The following TRAPPC10 variants were observed in gnomAD, a reference collection of about 807,000 sequenced individuals.
TRAPPC10 encodes the protein trafficking protein particle complex subunit 10.
TRAPPC10 carries 23 observed loss-of-function variants against 125.5 expected under a neutral mutation model. That is an observed-to-expected ratio of 0.18 (90% CI 0.13 to 0.26). The LOEUF is 0.26. Among genes scored for constraint, TRAPPC10 ranks in the 10% least tolerant of loss-of-function variants. The pLI is 1.00. For missense variants in TRAPPC10, 1,123 were observed against 1,308.4 expected, an observed-to-expected ratio of 0.86 and a Z score of 2.19; for synonymous variants, 509 against 518.0, an observed-to-expected ratio of 0.98 and a Z score of 0.24.
intron 1 of TRAPPC10, among the ~76,000 whole-genome samples, chr21:44,024,634 C>T (rs2032878910): frequency 6.6e-6 from 1 of 152,194 alleles, no homozygotes; most frequent in Non-Finnish European, 1.5e-5. Context: ...GTCATAGCTC[C>T]TCTCTCTGAG....
intron 4 of TRAPPC10, among the ~76,000 whole-genome samples, chr21:44,053,802 C>G (rs2035384159): frequency 6.6e-6 from 1 of 152,198 alleles, no homozygotes; most frequent in Non-Finnish European, 1.5e-5. Context: ...GATCACGCCG[C>G]TCTCCAGATT....
chr21:44,077,822 A>G (rs544773627), intron 11 of TRAPPC10, 38 bp downstream of exon 11: 1 of 1,458,072 alleles, frequency 6.9e-7, no homozygotes, highest in African/African-American at 1.4e-5. Context: ...TTCTAAACAT[A>G]CAAATAACAC....
intron 17 of TRAPPC10, chr21:44,088,146 C>CGAAA (rs2038278794): frequency 1.7e-6 from 1 of 573,764 alleles, no homozygotes; most frequent in South Asian, 2.1e-5. Flanking sequence ...TCTACCTTTC[C>CGAAA]CTCTCAGTTC....
chr21:44,067,341 T>C (rs114158697), intron 7 of TRAPPC10, among the ~76,000 whole-genome samples: 2,563 of 152,182 alleles, frequency 0.017, 69 homozygotes, highest in African/African-American at 0.057. Flanking sequence ...AGATGTAGTG[T>C]GGGAATGTAG....
At chr21:44,017,539 G>A (rs530908633) in intron 1 of TRAPPC10, among the ~76,000 whole-genome samples, 48 of 152,170 alleles carry the variant, frequency 3.2e-4, no homozygotes, top group Non-Finnish European at 1.9e-4. Flanking sequence ...CATTTATTAA[G>A]TAGTTAGATT....
chr21:44,039,506 C>G (rs1371249664), intron 3 of TRAPPC10, among the ~76,000 whole-genome samples: 1 of 152,232 alleles, frequency 6.6e-6, no homozygotes, highest in Non-Finnish European at 1.5e-5. Context: ...GGCGTGCTTG[C>G]TGCCATGGTG....
At chr21:44,029,653 C>A (rs1184577701) in intron 1 of TRAPPC10, among the ~76,000 whole-genome samples, 1 of 152,172 alleles carries the variant, frequency 6.6e-6, no homozygotes, top group South Asian at 2.1e-4. Context: ...TGGCTTAGCA[C>A]AAATGCGCTG....
intron 10 of TRAPPC10, among the ~76,000 whole-genome samples, 186 bp downstream of exon 10, chr21:44,076,814 T>A (rs569488282): frequency 1.6e-4 from 24 of 152,320 alleles, no homozygotes; most frequent in Non-Finnish European, 3.2e-4. Flanking sequence ...TGTGTATTAG[T>A]GCCCATGGTA....
chr21:44,028,719 G>A (rs1056225816), intron 1 of TRAPPC10, among the ~76,000 whole-genome samples: 1 of 152,180 alleles, frequency 6.6e-6, no homozygotes, highest in Non-Finnish European at 1.5e-5. Context: ...GGAATAAAAG[G>A]CCTGAGTTGT....
chr21:44,068,833 C>T (rs956719229), intron 7 of TRAPPC10, among the ~76,000 whole-genome samples: 4 of 152,036 alleles, frequency 2.6e-5, no homozygotes, highest in Admixed American at 1.3e-4. Flanking sequence ...AACTCCTGAG[C>T]GCAAGTGATC....
chr21:44,050,001 T>C (rs1032872892), intron 3 of TRAPPC10, among the ~76,000 whole-genome samples: 2 of 152,062 alleles, frequency 1.3e-5, no homozygotes, highest in Non-Finnish European at 2.9e-5. Context: ...TGCCTCAGCC[T>C]CCTGGGTAGC....
chr21:44,062,776 C>T (rs2036156105), intron 6 of TRAPPC10: 1 of 985,408 alleles, frequency 1.0e-6, no homozygotes. Context: ...AGGAGAAGCT[C>T]ACGTCAGTGA....
At chr21:44,079,469 G>A in intron 11 of TRAPPC10, 95 bp from the exon 12 acceptor site, 2 of 1,419,114 alleles carry the variant, frequency 1.4e-6, no homozygotes, top group Non-Finnish European at 1.9e-6. Flanking sequence ...CTGGCATGGG[G>A]TCTGGAGGAT....
At chr21:44,049,874 C>CT (rs2035114295) in intron 3 of TRAPPC10, among the ~76,000 whole-genome samples, 1 of 126,682 alleles carries the variant, frequency 7.9e-6, no homozygotes, top group African/African-American at 4.4e-5. Context: ...TGTTTTCTTT[C>CT]TTTCTTTTTT....
chr21:44,052,930 A>G (rs1287198856), intron 4 of TRAPPC10, among the ~76,000 whole-genome samples: 1 of 152,130 alleles, frequency 6.6e-6, no homozygotes, highest in Non-Finnish European at 1.5e-5. Flanking sequence ...AAACTTTGGC[A>G]GTTAATAGAT....
chr21:44,050,169 CAT>C (rs1212587862), intron 3 of TRAPPC10, among the ~76,000 whole-genome samples: 1 of 145,376 alleles, frequency 6.9e-6, no homozygotes, highest in Non-Finnish European at 1.5e-5. Context: ...TCGTTTTTAA[CAT>C]GTCGTTTTGT....
At position 44,087,047 on chromosome 21, in the gene TRAPPC10, A is replaced by G; in HGVS notation, c.2539+87A>G. 6.7e-7 allele frequency: 1 copy of G among 1,501,208 alleles called. No homozygotes were observed. The highest frequency in any genetic ancestry group is 9.1e-7 in the Non-Finnish European group (1 of 1,102,068). 93.0% of individuals were successfully genotyped at this position (1,501,208 alleles called of 1,614,324 possible). ...TGAGGGTGAGCCTGGCCTTGCTGCC[A>G]TCCTGCTGAGCGCCCCTCAACAGTG... On this transcript the variant is annotated intron_variant, in intron 16 of 22. Transcript: ENST00000291574. This position sits in a 1 kb window ranked among gnomAD's most constrained non-coding sequence, Gnocchi z 4.6.
intron 10 of TRAPPC10, 99 bp downstream of exon 10, chr21:44,076,727 G>A: frequency 9.7e-7 from 1 of 1,034,666 alleles, no homozygotes. Context: ...TGGTGTGGGG[G>A]GCCCCTTCTT....
Position 44,059,213 on chromosome 21 carries a change from G to A in TRAPPC10, c.789G>A (p.Gly263=). Residue 263 remains glycine (G), a splice_region_variant and synonymous_variant, in exon 6 of 23, where the codon GGG becomes GGA. Coordinates refer to ENST00000291574, the MANE Select transcript of TRAPPC10 (RefSeq NM_003274.5). This position sits in a 1 kb window ranked among gnomAD's most constrained non-coding sequence, Gnocchi z 4.4. ...FSQYVVNFGA[G]DGANWLTFFC... ...AGTATGTGGTCAACTTCGGGGCCGG[G>A]GGTGAGTAGTGGCACTTCAGTAACG... 6.2e-7 allele frequency: 1 copy of A among 1,603,044 alleles called. No homozygotes were observed. Among genetic ancestry groups the A allele is most frequent in the Non-Finnish European group, 8.5e-7 (1 of 1,175,580 alleles).
Sources: gnomAD v4.1 joint callset for allele counts (sites outside exome capture counted in the v4.1 genomes callset) on GRCh38, gnomAD v4.1.1 for gene constraint, Gnocchi (gnomAD v3.1) non-coding constraint, MANE v1.5 for transcripts, NCBI Gene and HGNC (gene_info 2026-07-23, HGNC 2026-07-21) for gene names.